Variants in CRYL1 observed in about 807,000 individuals in gnomAD.
CRYL1 encodes the protein crystallin lambda 1.
In CRYL1, 29 loss-of-function variants were observed where a neutral mutation model predicts 36.6. That is an observed-to-expected ratio of 0.79 (90% CI 0.59 to 1.08). CRYL1 has a LOEUF of 1.08. Ranked by LOEUF, CRYL1 falls within the 50% of genes least tolerant of loss-of-function variation. The probability of loss-of-function intolerance (pLI) is 0.00; values close to 1 mark genes in which losing one functional copy is unlikely to be tolerated. For missense variants in CRYL1, 411 were observed against 407.9 expected, an observed-to-expected ratio of 1.01 and a Z score of -0.06; for synonymous variants, 152 against 151.5, an observed-to-expected ratio of 1.00 and a Z score of -0.02.
At position 20,425,295 on chromosome 13, in the gene CRYL1, G is replaced by A. The variant is rs927976852; in HGVS notation, c.633+6807C>T. Among the ~76,000 whole-genome samples the A allele has an allele frequency of 3.3e-5, 5 of 152,210 alleles. No individual in the cohort carries two copies. The highest frequency in any genetic ancestry group is 2.1e-4 in the South Asian group (1 of 4,830). Reference sequence around the variant, plus strand: ...TCCTTGACCTCAAAGCCTGTGAAACGATGATGGAGCCCAGTTCTGCTCCTC... The same window carrying A: ...TCCTTGACCTCAAAGCCTGTGAAACAATGATGGAGCCCAGTTCTGCTCCTC... On this transcript the variant is annotated intron_variant, in intron 5 of 7. Coordinates refer to ENST00000298248, the MANE Select transcript of CRYL1 (RefSeq NM_015974.3). The surrounding 1 kb of genome is among the most constrained non-coding windows in gnomAD (Gnocchi z 4.4).
At chr13:20,476,631 A>G (rs113337851) in intron 3 of CRYL1, among the ~76,000 whole-genome samples, 2 of 152,338 alleles carry the variant, frequency 1.3e-5, no homozygotes, top group African/African-American at 4.8e-5. Context: ...AAGCCGGAAG[A>G]AAAACATGCA....
chr13:20,414,492 CA>C (rs111528755), intron 5 of CRYL1, among the ~76,000 whole-genome samples: 1 of 152,084 alleles, frequency 6.6e-6, no homozygotes, highest in Non-Finnish European at 1.5e-5. Context: ...GCCTAGGACC[CA>C]GGGGGGAGTA....
chr13:20,437,495 G>C (rs146672421), intron 4 of CRYL1, among the ~76,000 whole-genome samples: 175 of 152,190 alleles, frequency 1.1e-3, no homozygotes, highest in African/African-American at 3.8e-3. Flanking sequence ...TTTTAGTAGA[G>C]ACGGGGTTTC....
rs1165943512 is a variant in CRYL1, at chr13:20,439,536, A to G, written c.438+57T>C. ...CCGCAAAAAAAAAAAAAAAAGAAAAAAAAAAAACACAGAATGAGATGAGAT... is the reference window on the plus strand; with the variant it reads ...CCGCAAAAAAAAAAAAAAAAGAAAAGAAAAAAACACAGAATGAGATGAGAT... On this transcript the variant is annotated intron_variant, in intron 4 of 7. Coordinates refer to ENST00000298248, the MANE Select transcript of CRYL1 (RefSeq NM_015974.3). 11 of 1,364,484 alleles carry G rather than the reference A, an allele frequency of 8.1e-6. No individual in the cohort carries two copies. In the South Asian group the frequency reaches 1.5e-4, roughly 18 times the overall value. 84.5% of individuals were successfully genotyped at this position (1,364,484 alleles called of 1,614,324 possible).
rs372861780 is a variant in CRYL1, at chr13:20,521,134, G to A, written c.41+4620C>T. Among the ~76,000 whole-genome samples, 249 of 37,142 alleles carry A rather than the reference G, an allele frequency of 6.7e-3. 12 individuals are homozygous for A. Among genetic ancestry groups the A allele is most frequent in the African/African-American group, 0.01 (207 of 20,632 alleles). 24.4% of individuals were successfully genotyped at this position (37,142 alleles called of 152,430 possible). ...AAAAAAAAAAAAAAAAGGAAAGAAA[G>A]AAAGAAGGAAGAAAGGAAGGAAGGA... On this transcript the variant is annotated intron_variant, in intron 1 of 7. Transcript: ENST00000298248.
chr13:20,435,629 G>A lies in CRYL1; in HGVS notation c.439-3333C>T, dbSNP rs1054771787. 6.6e-6 allele frequency among the ~76,000 whole-genome samples: 1 copy of A among 152,196 alleles called. No individual in the cohort carries two copies. Among genetic ancestry groups the A allele is most frequent in the Non-Finnish European group, 1.5e-5 (1 of 68,028 alleles). ...CCCCCGCCCCAAACCTTCCATGTGG[G>A]AGTGTGCGAGGTGGACTCGGAAACA... On this transcript the variant is annotated intron_variant, in intron 4 of 7. Coordinates refer to ENST00000298248, the MANE Select transcript of CRYL1 (RefSeq NM_015974.3). The surrounding 1 kb of genome is among the most constrained non-coding windows in gnomAD (Gnocchi z 4.0).
Position 20,404,098 on chromosome 13 carries a change from T to C in CRYL1, c.*31A>G, listed in dbSNP as rs1302105354. ...CAGTGTTCCCAAATAGGGCCTCCAA[T>C]GAGAGGAGTGGAAGCTGCATTACAA... On this transcript the variant is annotated 3_prime_UTR_variant, in exon 8 of 8. Transcript: ENST00000298248. The C allele has an allele frequency of 3.4e-6, 5 of 1,471,444 alleles. No homozygotes were observed. Among genetic ancestry groups the C allele is most frequent in the South Asian group, 2.3e-5 (2 of 88,054 alleles). The allele number at this position is 1,471,444 out of a possible 1,614,324, so 91.1% of individuals were successfully genotyped here. A position where few individuals can be genotyped will look rare whatever the true frequency, so the allele number is the denominator to read the frequency against.
At position 20,525,419 on chromosome 13, in the gene CRYL1, A is replaced by G. The variant is rs926582574; in HGVS notation, c.41+335T>C. Among the ~76,000 whole-genome samples the G allele has an allele frequency of 1.2e-4, 18 of 152,168 alleles. No homozygotes were observed. Among genetic ancestry groups the G allele is most frequent in the African/African-American group, 3.9e-4 (16 of 41,450 alleles). ...ATTCAACACGGTGCCTGGCACTTCT[A>G]TGTGGACCTGCGGGCAGACGCGGCG... On this transcript the variant is annotated intron_variant, in intron 1 of 7. Transcript: ENST00000298248. The surrounding 1 kb of genome is among the most constrained non-coding windows in gnomAD (Gnocchi z 4.3).
intron 3 of CRYL1, among the ~76,000 whole-genome samples, chr13:20,468,898 T>A (rs1235980157): frequency 6.6e-6 from 1 of 152,198 alleles, no homozygotes; most frequent in African/African-American, 2.4e-5. Context: ...TGATCCACCA[T>A]GCCCAGCGCT....
intron 2 of CRYL1, among the ~76,000 whole-genome samples, chr13:20,490,034 G>A (rs1448526387): frequency 6.6e-6 from 1 of 152,140 alleles, no homozygotes; most frequent in Non-Finnish European, 1.5e-5. Flanking sequence ...AGTGAAATAA[G>A]CCAGTCACAA....
chr13:20,431,544 G>A (rs1593439218), intron 5 of CRYL1: 3 of 1,008,946 alleles, frequency 3.0e-6, no homozygotes, highest in African/African-American at 1.7e-5. Context: ...AATGCGTGCA[G>A]CCAGGCCATT....
At chr13:20,476,749 C>T (rs908940761) in intron 3 of CRYL1, 2 of 152,300 alleles carry the variant, frequency 1.3e-5, no homozygotes, top group African/African-American at 4.8e-5. Flanking sequence ...CTCAGCAGGG[C>T]GAGGTAGCTT....
chr13:20,447,737 C>A (rs2032486986), intron 3 of CRYL1, among the ~76,000 whole-genome samples: 3 of 152,184 alleles, frequency 2.0e-5, no homozygotes, highest in Admixed American at 2.0e-4. Context: ...ACTAGAGGAA[C>A]TTGAAACCTT....
intron 3 of CRYL1, among the ~76,000 whole-genome samples, chr13:20,483,493 C>A (rs775446254): frequency 5.9e-5 from 9 of 152,034 alleles, no homozygotes; most frequent in Admixed American, 2.0e-4. Flanking sequence ...TGTAACGTAC[C>A]ACATCATCAT....
At chr13:20,436,680 C>T (rs564639449) in intron 4 of CRYL1, among the ~76,000 whole-genome samples, 1 of 152,296 alleles carries the variant, frequency 6.6e-6, no homozygotes, top group African/African-American at 2.4e-5. Context: ...CAGCGCCTTT[C>T]CCCACTCACT....
intron 5 of CRYL1, chr13:20,431,472 C>T (rs900045536): frequency 9.1e-6 from 9 of 991,682 alleles, no homozygotes; most frequent in Non-Finnish European, 1.1e-5. Flanking sequence ...TCCGCCTCGT[C>T]CTGGGGTCCA....
At chr13:20,492,838 G>A (rs1196205656) in intron 2 of CRYL1, among the ~76,000 whole-genome samples, 1 of 152,140 alleles carries the variant, frequency 6.6e-6, no homozygotes, top group African/African-American at 2.4e-5. Flanking sequence ...AGGCACTTGG[G>A]GGTGCTACCA....
intron 3 of CRYL1, among the ~76,000 whole-genome samples, chr13:20,452,550 G>A (rs2032593606): frequency 6.6e-6 from 1 of 152,142 alleles, no homozygotes; most frequent in Non-Finnish European, 1.5e-5. Context: ...AAGTTGTTGG[G>A]GTTGCAGAAG....
rs192841453 is a variant in CRYL1, at chr13:20,507,788, A to G, written c.149+4655T>C. ...AAAAAATTAGCTGGGCGTGGTGGCG[A>G]GCACCTGTAGCCCCAGCTACTCCGG... On this transcript the variant is annotated intron_variant, in intron 2 of 7. Coordinates refer to ENST00000298248, the MANE Select transcript of CRYL1 (RefSeq NM_015974.3). Among the ~76,000 whole-genome samples the G allele has an allele frequency of 5.5e-3, 832 of 150,242 alleles. 5 individuals carry two copies. The highest frequency in any genetic ancestry group is 8.7e-3 in the African/African-American group (353 of 40,798).
Sources: gnomAD v4.1 joint callset for allele counts (sites outside exome capture counted in the v4.1 genomes callset) on GRCh38, gnomAD v4.1.1 for gene constraint, Gnocchi (gnomAD v3.1) non-coding constraint, MANE v1.5 for transcripts, NCBI Gene and HGNC (gene_info 2026-07-23, HGNC 2026-07-21) for gene names.